Variants in C12orf75 observed in about 807,000 individuals in gnomAD.
The protein encoded by C12orf75 is overexpressed in colon carcinoma 1 protein.
A neutral mutation model predicts 11.4 loss-of-function variants in C12orf75; 4 were observed. That is an observed-to-expected ratio of 0.35 (90% CI 0.17 to 0.80). The LOEUF (loss-of-function observed/expected upper bound fraction) is 0.80. Ranked by LOEUF, C12orf75 falls within the 30% of genes least tolerant of loss-of-function variation. The probability of loss-of-function intolerance (pLI) is 0.52; values close to 1 mark genes in which losing one functional copy is unlikely to be tolerated. For synonymous variants in C12orf75, 30 were observed against 30.0 expected (o/e 1.00, Z 0.00); for missense variants, 89 against 80.4 (o/e 1.11, Z -0.41).
intron 2 of C12orf75, among the ~76,000 whole-genome samples, chr12:105,350,421 G>A (rs1408482759): frequency 6.6e-6 from 1 of 152,184 alleles, no homozygotes; most frequent in African/African-American, 2.4e-5. Context: ...GGGCTTCTGC[G>A]ACCTCATGCT....
chr12:105,339,965 T>C (rs1892547339), intron 1 of C12orf75, among the ~76,000 whole-genome samples: 1 of 152,162 alleles, frequency 6.6e-6, no homozygotes, highest in Non-Finnish European at 1.5e-5. Flanking sequence ...TAATAGACTT[T>C]GGCATTTGGG....
intron 1 of C12orf75, among the ~76,000 whole-genome samples, chr12:105,339,463 A>G (rs1892539987): frequency 6.7e-6 from 1 of 149,164 alleles, no homozygotes; most frequent in Non-Finnish European, 1.5e-5. Flanking sequence ...GTGAATTATC[A>G]CCACTTGGTT....
At chr12:105,331,458 C>G (rs1334688588) in intron 1 of C12orf75, among the ~76,000 whole-genome samples, 1 of 152,170 alleles carries the variant, frequency 6.6e-6, no homozygotes, top group Non-Finnish European at 1.5e-5. Flanking sequence ...AAAAACGCAT[C>G]TGTGTCTGCC....
intron 2 of C12orf75, among the ~76,000 whole-genome samples, chr12:105,362,240 G>A (rs1389546401): frequency 2.6e-5 from 4 of 151,748 alleles, no homozygotes; most frequent in African/African-American, 9.7e-5. Context: ...CAAAAAATTA[G>A]CCGGGCGTGT....
chr12:105,358,078 G>GCT (rs1406654498), intron 2 of C12orf75, among the ~76,000 whole-genome samples: 1 of 152,048 alleles, frequency 6.6e-6, no homozygotes, highest in Non-Finnish European at 1.5e-5. Context: ...GAACTCCTGG[G>GCT]CTCAAGATAT....
chr12:105,353,296 C>T (rs1257189582), intron 2 of C12orf75, among the ~76,000 whole-genome samples: 2 of 152,180 alleles, frequency 1.3e-5, no homozygotes, highest in East Asian at 3.9e-4. Flanking sequence ...CAGTTTATAT[C>T]TTATCAGCTT....
intron 1 of C12orf75, among the ~76,000 whole-genome samples, chr12:105,339,536 T>G (rs549961547): frequency 4.3e-4 from 65 of 152,280 alleles, no homozygotes; most frequent in Non-Finnish European, 8.4e-4. Context: ...TCTAGTATAT[T>G]TTATAAAGTC....
intron 5 of C12orf75, among the ~76,000 whole-genome samples, chr12:105,369,014 A>C (rs1460905239): frequency 6.6e-6 from 1 of 152,244 alleles, no homozygotes; most frequent in Non-Finnish European, 1.5e-5. Flanking sequence ...TAGAAAAGAT[A>C]AGTTGAAACC....
chr12:105,350,516 T>C (rs1463847184), intron 2 of C12orf75, among the ~76,000 whole-genome samples: 8 of 152,214 alleles, frequency 5.3e-5, no homozygotes, highest in Admixed American at 1.3e-4. Context: ...AAATGACATC[T>C]GTTCTGTAGG....
intron 1 of C12orf75, among the ~76,000 whole-genome samples, chr12:105,346,259 T>C (rs746552570): frequency 1.3e-5 from 2 of 152,126 alleles, no homozygotes; most frequent in East Asian, 3.9e-4. Context: ...TGAAACCAAG[T>C]TGTAGCCTGA....
intron 1 of C12orf75, among the ~76,000 whole-genome samples, chr12:105,340,428 G>A (rs1351366932): frequency 2.6e-5 from 1 of 39,126 alleles, no homozygotes; most frequent in Non-Finnish European, 4.2e-5. Flanking sequence ...CCGTGCCCCC[G>A]CCAAAAAAAA....
rs200950023 is a variant in C12orf75, at chr12:105,355,168, C to CTTTTTTTTTTTTTTTTT, written c.71+6547_71+6548insTTTTTTTTTTTTTTTTT. Among the ~76,000 whole-genome samples the CTTTTTTTTTTTTTTTTT allele has an allele frequency of 4.0e-5, 3 of 74,226 alleles. 1 individual carries two copies. The highest frequency in any genetic ancestry group is 9.1e-5 in the African/African-American group (2 of 21,906). 48.7% of individuals were successfully genotyped at this position (74,226 alleles called of 152,430 possible). A position where few individuals can be genotyped will look rare whatever the true frequency, so the allele number is the denominator to read the frequency against. On this transcript the variant is annotated intron_variant, in intron 2 of 5. Transcript: ENST00000443585. ...GGGTGGTTTTCACGAATTTCTTTTTCTTTTTCTTTTTCTTTTTTTTTTTCA... is the reference window on the plus strand; with the variant it reads ...GGGTGGTTTTCACGAATTTCTTTTTCTTTTTTTTTTTTTTTTTTTTTTCTTTTTCTTTTTTTTTTTCA...
At chr12:105,349,924 G>A (rs1195278457) in intron 2 of C12orf75, among the ~76,000 whole-genome samples, 1 of 152,108 alleles carries the variant, frequency 6.6e-6, no homozygotes, top group African/African-American at 2.4e-5. Context: ...TTATTACAAA[G>A]AATTTAGAGA....
At position 105,330,807 on chromosome 12, in the gene C12orf75, GGGTGCGCCGCCCTTC is replaced by G; in HGVS notation, c.-83_-69del. The G allele has an allele frequency of 8.3e-7, 1 of 1,208,032 alleles. No individual in the cohort carries two copies. Among genetic ancestry groups the G allele is most frequent in the Non-Finnish European group, 1.0e-6 (1 of 971,128 alleles). 74.8% of individuals were successfully genotyped at this position (1,208,032 alleles called of 1,614,324 possible). ...CGCGGCCCCGTCAGCCTCCCGCTCG[GGGTGCGCCGCCCTTC>G]GTCTGGGTCTCCGCCCCCAGGACCC... On this transcript the variant is annotated 5_prime_UTR_variant, in exon 1 of 6. Transcript: ENST00000443585.
intron 2 of C12orf75, among the ~76,000 whole-genome samples, chr12:105,355,576 C>T (rs951503165): frequency 4.6e-5 from 7 of 152,134 alleles, no homozygotes; most frequent in African/African-American, 1.7e-4. Context: ...AGGGTTTAGA[C>T]TCCAGAGAGG....
intron 1 of C12orf75, among the ~76,000 whole-genome samples, chr12:105,345,115 G>A (rs970364932): frequency 1.3e-5 from 2 of 152,006 alleles, no homozygotes; most frequent in Admixed American, 6.6e-5. Context: ...CAACTGACCA[G>A]CATTTAACAT....
At chr12:105,362,561 G>A (rs1892886189) in intron 2 of C12orf75, among the ~76,000 whole-genome samples, 1 of 150,702 alleles carries the variant, frequency 6.6e-6, no homozygotes, top group African/African-American at 2.4e-5. Context: ...CAGCTACTCA[G>A]GAGGCTGAGG....
At chr12:105,344,405 CTCT>C (rs1892610480) in intron 1 of C12orf75, among the ~76,000 whole-genome samples, 2 of 152,176 alleles carry the variant, frequency 1.3e-5, no homozygotes, top group South Asian at 2.1e-4. Flanking sequence ...CTTGGCCACT[CTCT>C]TCTTCCTGTG....
At chr12:105,369,466 A>G (rs1871569407) in intron 5 of C12orf75, among the ~76,000 whole-genome samples, 1 of 151,512 alleles carries the variant, frequency 6.6e-6, no homozygotes, top group Non-Finnish European at 1.5e-5. Context: ...TTTTACTTTA[A>G]GTTCTGGGAT....
Sources: gnomAD v4.1 joint callset for allele counts (sites outside exome capture counted in the v4.1 genomes callset) on GRCh38, gnomAD v4.1.1 for gene constraint, MANE v1.5 for transcripts, NCBI Gene and HGNC (gene_info 2026-07-23, HGNC 2026-07-21) for gene names.